The following AIFM2 variants were observed in gnomAD, a reference collection of about 807,000 sequenced individuals.
AIFM2 encodes the protein AIF family member 2, ferroptosis suppressor.
Under a neutral mutation model 35.7 loss-of-function variants are expected in AIFM2, and 38 were observed. The observed-to-expected ratio is 1.06, with a 90% CI of 0.82 to 1.39. The LOEUF (loss-of-function observed/expected upper bound fraction) is 1.39, where lower values mean the gene tolerates loss of function less well. Ranked by LOEUF, AIFM2 falls within the 40% of genes most tolerant of loss-of-function variation. The pLI is 0.00. For missense variants in AIFM2, 476 were observed against 491.2 expected, an observed-to-expected ratio of 0.97 and a Z score of 0.29; for synonymous variants, 185 against 203.5, an observed-to-expected ratio of 0.91 and a Z score of 0.77.
At chr10:70,130,179 T>C (rs997173005) in intron 1 of AIFM2, among the ~76,000 whole-genome samples, 1 of 152,082 alleles carries the variant, frequency 6.6e-6, no homozygotes, top group South Asian at 2.1e-4. Flanking sequence ...CAAGACTCTG[T>C]CTCAAAAAAA....
At chr10:70,126,214 C>G (rs2072564117) in intron 1 of AIFM2, among the ~76,000 whole-genome samples, 1 of 152,266 alleles carries the variant, frequency 6.6e-6, no homozygotes, top group Non-Finnish European at 1.5e-5. Context: ...GCAATCAACC[C>G]TCCTCCTGGC....
chr10:70,116,188 G>A (rs2136652480), intron 7 of AIFM2, among the ~76,000 whole-genome samples: 1 of 152,294 alleles, frequency 6.6e-6, no homozygotes, highest in Admixed American at 6.5e-5. Context: ...TAAGAAACGA[G>A]GCCATGTTAC....
rs769668499 is a variant in AIFM2 at position 70,121,107 on chromosome 10, C to T, written c.399G>A (p.Glu133=). Residue 133 remains glutamate, a synonymous_variant, in exon 4 of 9, where the codon GAG becomes GAA. Transcript: ENST00000307864. ...CACAGCTCACCTGCCTCACCATGTC[C>T]TCATAGGCCTGGATAGCGGCCTGCT... The part of the protein sequence containing the change: ...SSQQAAIQAY[E]DMVRQVQRSR... 26 of 1,612,682 alleles carry T rather than the reference C, an allele frequency of 1.6e-5. No individual in the cohort carries two copies. Among genetic ancestry groups the T allele is most frequent in the Non-Finnish European group, 2.0e-5 (24 of 1,179,884 alleles).
At chr10:70,129,367 A>G (rs2072603271) in intron 1 of AIFM2, among the ~76,000 whole-genome samples, 1 of 152,012 alleles carries the variant, frequency 6.6e-6, no homozygotes, top group Non-Finnish European at 1.5e-5. Context: ...TTATATATAT[A>G]TATATAAAAT....
rs529823699 is a variant in AIFM2 at position 70,113,898 on chromosome 10, G to T, written c.*280C>A. The T allele has an allele frequency of 3.2e-5, 12 of 372,330 alleles. No individual in the cohort carries two copies. In the East Asian group the frequency reaches 7.1e-4, roughly 22 times the overall value. 23.1% of individuals were successfully genotyped at this position (372,330 alleles called of 1,614,324 possible). ...CAGGTGCAGAGGAAGGGCTGGCTGT[G>T]GCCTCCCCAGCACCATGCAGCCAGC... is the stretch of plus-strand genomic sequence containing the variant. On this transcript the variant is annotated 3_prime_UTR_variant, in exon 9 of 9. Transcript: ENST00000307864.
rs758235500 is a variant in AIFM2 at position 70,116,775 on chromosome 10, C to G, written c.617-1G>C. 6.2e-6 allele frequency: 10 copies of G among 1,613,902 alleles called. No homozygotes were observed. In the South Asian group the frequency reaches 1.1e-4, roughly 18 times the overall value. Reference sequence around the variant, plus strand: ...TCCTCCAGATTGCTCACCCGCTCACCTAGAAGGGGGTTCATGACCAGGAGG... The same window carrying G: ...TCCTCCAGATTGCTCACCCGCTCACGTAGAAGGGGGTTCATGACCAGGAGG... On this transcript the variant is annotated splice_acceptor_variant, in intron 6 of 8. Coordinates refer to ENST00000307864, the MANE Select transcript of AIFM2 (RefSeq NM_032797.6). LOFTEE classifies it high-confidence loss of function.
intron 1 of AIFM2, among the ~76,000 whole-genome samples, chr10:70,128,754 A>G (rs10999150): frequency 0.58 from 88,322 of 152,112 alleles, 26,125 homozygotes; most frequent in East Asian, 0.78. Context: ...CTAGCACTTC[A>G]GGAGGCAAAG....
At chr10:70,130,576 G>A (rs191186895) in intron 1 of AIFM2, among the ~76,000 whole-genome samples, 3 of 152,252 alleles carry the variant, frequency 2.0e-5, no homozygotes, top group Admixed American at 1.3e-4. Flanking sequence ...ATCAGCTGAC[G>A]GGCACTTGGG....
chr10:70,125,725 C>T (rs1203468706), intron 1 of AIFM2, among the ~76,000 whole-genome samples: 1 of 152,128 alleles, frequency 6.6e-6, no homozygotes, highest in East Asian at 1.9e-4. Flanking sequence ...CCCACCTCAA[C>T]CTCCCAAAGT....
chr10:70,114,176 C>T lies in AIFM2; in HGVS notation c.*2G>A. 1 of 1,610,946 alleles carries T rather than the reference C, an allele frequency of 6.2e-7. No individual in the cohort carries two copies. The highest frequency in any genetic ancestry group is 8.5e-7 in the Non-Finnish European group (1 of 1,178,600). ...CGGTAGTTCTCCCGCCTGGCCTCTC[C>T]ATCAAGGTGGAGACTGCCTCATGGT... On this transcript the variant is annotated 3_prime_UTR_variant, in exon 9 of 9. Coordinates refer to ENST00000307864, the MANE Select transcript of AIFM2 (RefSeq NM_032797.6).
intron 4 of AIFM2, 110 bp downstream of exon 4, chr10:70,120,982 C>G: frequency 6.7e-7 from 1 of 1,492,536 alleles, no homozygotes; most frequent in East Asian, 2.3e-5. Context: ...TCTATGGCTA[C>G]AGCCAGCAGC....
At chr10:70,119,713 C>T (rs138231399) in intron 5 of AIFM2, among the ~76,000 whole-genome samples, 4 of 152,278 alleles carry the variant, frequency 2.6e-5, no homozygotes, top group South Asian at 2.1e-4. Context: ...AACCAACCTG[C>T]CTTTCCCTGA....
At chr10:70,120,957 T>C (rs1008032603) in intron 4 of AIFM2, 135 bp downstream of exon 4, 4 of 1,428,070 alleles carry the variant, frequency 2.8e-6, no homozygotes, top group Non-Finnish European at 3.7e-6. Flanking sequence ...AGTCTCTTCC[T>C]AGTGACTCTC....
In AIFM2 at chr10:70,117,672, G is replaced by C. The variant is rs2072452738; in HGVS notation, c.616+140C>G. The C allele has an allele frequency of 1.6e-6, 1 of 615,374 alleles. No homozygotes were observed. The highest frequency in any genetic ancestry group is 2.7e-6 in the Non-Finnish European group (1 of 372,632). The allele number at this position is 615,374 out of a possible 1,614,324, so 38.1% of individuals were successfully genotyped here. A position where few individuals can be genotyped will look rare whatever the true frequency, so the allele number is the denominator to read the frequency against. On this transcript the variant is annotated intron_variant, in intron 6 of 8. Coordinates refer to ENST00000307864, the MANE Select transcript of AIFM2 (RefSeq NM_032797.6). The surrounding 1 kb of genome is among the most constrained non-coding windows in gnomAD (Gnocchi z 4.7). ...TCACGGCCTCTTCTGAGCGCTTCAT[G>C]CTCCACCCCAGGACACAGTGGAAAA...
chr10:70,127,819 A>G (rs1202898112), intron 1 of AIFM2, among the ~76,000 whole-genome samples: 3 of 152,186 alleles, frequency 2.0e-5, no homozygotes, highest in Non-Finnish European at 4.4e-5. Flanking sequence ...CCCAGACCAG[A>G]GCAGGGCCAG....
chr10:70,120,754 C>G (rs1194862566), intron 4 of AIFM2, among the ~76,000 whole-genome samples, 155 bp from the exon 5 acceptor site: 1 of 152,224 alleles, frequency 6.6e-6, no homozygotes, highest in East Asian at 1.9e-4. Flanking sequence ...TCCCACCCAC[C>G]TCGCAGAATT....
chr10:70,119,633 C>T (rs2072475987), intron 5 of AIFM2, among the ~76,000 whole-genome samples: 1 of 152,164 alleles, frequency 6.6e-6, no homozygotes, highest in African/African-American at 2.4e-5. Context: ...AATCACTCAT[C>T]ATAATTTCCA....
At position 70,117,092 on chromosome 10, in the gene AIFM2, C is replaced by A. The variant is rs552898758; in HGVS notation, c.617-318G>T. Among the ~76,000 whole-genome samples, 46 of 152,338 alleles carry A rather than the reference C, an allele frequency of 3.0e-4. No homozygotes were observed. The highest frequency in any genetic ancestry group is 1.0e-3 in the African/African-American group (43 of 41,580). Reference sequence around the variant, plus strand: ...AGACGCGCCTCTTATGAGTGCCAGCCGTGCCATCCTAACTAGGCAGGACGA... The same window carrying A: ...AGACGCGCCTCTTATGAGTGCCAGCAGTGCCATCCTAACTAGGCAGGACGA... On this transcript the variant is annotated intron_variant, in intron 6 of 8. Coordinates refer to ENST00000307864, the MANE Select transcript of AIFM2 (RefSeq NM_032797.6). The surrounding 1 kb of genome is among the most constrained non-coding windows in gnomAD (Gnocchi z 4.7).
At chr10:70,120,006 G>A (rs1241001924) in intron 5 of AIFM2, among the ~76,000 whole-genome samples, 1 of 152,244 alleles carries the variant, frequency 6.6e-6, no homozygotes, top group Admixed American at 6.5e-5. Flanking sequence ...GGCAGAAAGG[G>A]CTCTGCTGCA....
Sources: gnomAD v4.1 joint callset for allele counts (sites outside exome capture counted in the v4.1 genomes callset) on GRCh38, gnomAD v4.1.1 for gene constraint, Gnocchi (gnomAD v3.1) non-coding constraint, MANE v1.5 for transcripts, NCBI Gene and HGNC (gene_info 2026-07-23, HGNC 2026-07-21) for gene names.